GPC6: variants seen among roughly 807,000 people sequenced by gnomAD.
GPC6 encodes the protein glypican 6, also known as glypican-6.
GPC6 carries 14 observed loss-of-function variants against 55.2 expected under a neutral mutation model. That is an observed-to-expected ratio of 0.25 (90% CI 0.17 to 0.40). The LOEUF is 0.40. Ranked by LOEUF, GPC6 falls within the 10% of genes least tolerant of loss-of-function variation. The pLI is 1.00. For synonymous variants in GPC6, 278 were observed against 259.6 expected, an observed-to-expected ratio of 1.07 and a Z score of -0.68; for missense variants, 641 against 708.5, an observed-to-expected ratio of 0.90 and a Z score of 1.08.
At chr13:94,371,707 A>G (rs1213782212) in intron 6 of GPC6, among the ~76,000 whole-genome samples, 1 of 152,138 alleles carries the variant, frequency 6.6e-6, no homozygotes, top group Non-Finnish European at 1.5e-5. Flanking sequence ...ACTTTTCATT[A>G]TTTTTAACTT....
chr13:93,371,520 C>T (rs930788447), intron 1 of GPC6, among the ~76,000 whole-genome samples: 1 of 152,040 alleles, frequency 6.6e-6, no homozygotes, highest in Non-Finnish European at 1.5e-5. Flanking sequence ...TTCGACCTAG[C>T]AATGGACCAT....
At chr13:94,378,615 A>G (rs1283917527) in intron 6 of GPC6, among the ~76,000 whole-genome samples, 1 of 152,192 alleles carries the variant, frequency 6.6e-6, no homozygotes, top group Middle Eastern at 3.2e-3. Context: ...CAGAAATCAG[A>G]ATCAGCTCCA....
intron 3 of GPC6, among the ~76,000 whole-genome samples, chr13:93,857,609 T>A (rs965536721): frequency 1.3e-5 from 2 of 151,612 alleles, no homozygotes; most frequent in Non-Finnish European, 3.0e-5. Flanking sequence ...AAGCTTTAAA[T>A]TGAAATCTAT....
chr13:93,743,562 TA>T (rs1884282348), intron 2 of GPC6, among the ~76,000 whole-genome samples: 2 of 152,060 alleles, frequency 1.3e-5, no homozygotes, highest in African/African-American at 2.4e-5. Context: ...GTTTTTGCTT[TA>T]AAAAAATTTA....
intron 1 of GPC6, among the ~76,000 whole-genome samples, chr13:93,466,068 A>G (rs911228397): frequency 6.6e-6 from 1 of 152,214 alleles, no homozygotes; most frequent in Non-Finnish European, 1.5e-5. Flanking sequence ...ACAGATCACC[A>G]TAACAAATAC....
At chr13:93,792,132 T>A (rs369138227) in intron 2 of GPC6, among the ~76,000 whole-genome samples, 1 of 152,262 alleles carries the variant, frequency 6.6e-6, no homozygotes, top group East Asian at 1.9e-4. Flanking sequence ...CTGCTTCCTC[T>A]TTCTAGCAGT....
intron 1 of GPC6, among the ~76,000 whole-genome samples, chr13:93,386,698 C>G (rs1057149073): frequency 2.0e-5 from 3 of 152,190 alleles, no homozygotes; most frequent in Non-Finnish European, 4.4e-5. Context: ...AATAAATTGT[C>G]ACACACTAGG....
chr13:93,764,917 A>C (rs1372785026), intron 2 of GPC6, among the ~76,000 whole-genome samples: 1 of 152,086 alleles, frequency 6.6e-6, no homozygotes, highest in South Asian at 2.1e-4. Flanking sequence ...CTGCTGCCTC[A>C]GCCTCCCGAG....
chr13:93,601,909 T>G (rs1323247286), intron 2 of GPC6, among the ~76,000 whole-genome samples: 1 of 152,250 alleles, frequency 6.6e-6, no homozygotes, highest in Non-Finnish European at 1.5e-5. Context: ...TCTCGTTTCC[T>G]GCACTGCCTA....
intron 4 of GPC6, among the ~76,000 whole-genome samples, chr13:94,059,687 G>A (rs1373252311): frequency 6.6e-6 from 1 of 151,824 alleles, no homozygotes; most frequent in African/African-American, 2.4e-5. Context: ...TTGTTGTCTT[G>A]TGAAGGCCCG....
chr13:93,354,725 T>G (rs1228678389), intron 1 of GPC6, among the ~76,000 whole-genome samples: 1 of 151,932 alleles, frequency 6.6e-6, no homozygotes, highest in African/African-American at 2.4e-5. Flanking sequence ...ATAACCAAGG[T>G]TGGTTAGAAT....
At chr13:94,382,163 G>A (rs1880185253) in intron 6 of GPC6, among the ~76,000 whole-genome samples, 1 of 152,170 alleles carries the variant, frequency 6.6e-6, no homozygotes, top group African/African-American at 2.4e-5. Flanking sequence ...TCAAAGGATT[G>A]AAGGACAGAA....
At chr13:93,665,584 G>C (rs908351674) in intron 2 of GPC6, among the ~76,000 whole-genome samples, 1 of 152,162 alleles carries the variant, frequency 6.6e-6, no homozygotes, top group Non-Finnish European at 1.5e-5. Context: ...GAGACAGAAA[G>C]AGTTAAGATA....
At chr13:93,846,999 T>C (rs77500441) in intron 3 of GPC6, among the ~76,000 whole-genome samples, 5,801 of 152,294 alleles carry the variant, frequency 0.038, 348 homozygotes, top group African/African-American at 0.13. Context: ...ACTTTCTGTT[T>C]ATTTCACGAT....
intron 6 of GPC6, among the ~76,000 whole-genome samples, chr13:94,330,103 C>T (rs1466220081): frequency 6.6e-6 from 1 of 152,196 alleles, no homozygotes; most frequent in African/African-American, 2.4e-5. Context: ...TGTGTTCCCT[C>T]GATCAGGACT....
At chr13:93,734,849 T>C (rs904066634) in intron 2 of GPC6, among the ~76,000 whole-genome samples, 2 of 152,130 alleles carry the variant, frequency 1.3e-5, no homozygotes, top group African/African-American at 4.8e-5. Flanking sequence ...TAATAACTAT[T>C]AATGATTAAT....
At chr13:94,346,719 C>CA (rs35478457) in intron 6 of GPC6, among the ~76,000 whole-genome samples, 38,953 of 113,928 alleles carry the variant, frequency 0.34, 6,141 homozygotes, top group East Asian at 0.55. Flanking sequence ...AGACTCCTCT[C>CA]AAAAAAAAAA....
chr13:93,676,126 AATATATAT>A (rs764101821), intron 2 of GPC6, among the ~76,000 whole-genome samples: 283 of 15,186 alleles, frequency 0.019, 1 homozygote, highest in South Asian at 0.052. Flanking sequence ...AAAAAAAAAA[AATATATAT>A]ATATATATAT....
intron 2 of GPC6, among the ~76,000 whole-genome samples, chr13:93,585,224 T>G (rs573423972): frequency 6.6e-6 from 1 of 152,188 alleles, no homozygotes; most frequent in Non-Finnish European, 1.5e-5. Context: ...AATTGACAAT[T>G]GCTTTTCAGC....
Sources: gnomAD v4.1 joint callset for allele counts (sites outside exome capture counted in the v4.1 genomes callset) on GRCh38, gnomAD v4.1.1 for gene constraint, MANE v1.5 for transcripts, NCBI Gene and HGNC (gene_info 2026-07-23, HGNC 2026-07-21) for gene names.